Variants in SLC41A1 observed in about 807,000 individuals in gnomAD.
SLC41A1 encodes solute carrier family 41 (magnesium transporter), member 1.
A neutral mutation model predicts 47.3 loss-of-function variants in SLC41A1; 20 were observed. The observed-to-expected ratio is 0.42, with a 90% confidence interval of 0.30 to 0.61. SLC41A1 has a LOEUF of 0.61. SLC41A1 is among the 20% of genes least tolerant of loss of function. The pLI is 0.17. For missense variants in SLC41A1, 504 were observed against 674.1 expected, an observed-to-expected ratio of 0.75 and a Z score of 2.79; for synonymous variants, 282 against 272.7, an observed-to-expected ratio of 1.03 and a Z score of -0.34.
chr1:205,807,858 T>C (rs1656052148), intron 2 of SLC41A1, among the ~76,000 whole-genome samples: 1 of 151,664 alleles, frequency 6.6e-6, no homozygotes. Flanking sequence ...GGTCTCACTT[T>C]GTTGCCCAGG....
At chr1:205,797,077 C>A in intron 7 of SLC41A1, 74 bp from the exon 8 acceptor site, 1 of 1,313,100 alleles carries the variant, frequency 7.6e-7, no homozygotes, top group South Asian at 1.2e-5. Context: ...ATGAGAGGTC[C>A]AGGCCCACCT....
intron 8 of SLC41A1, 44 bp downstream of exon 8, chr1:205,796,880 C>T (rs1403299363): frequency 6.3e-7 from 1 of 1,588,390 alleles, no homozygotes; most frequent in Non-Finnish European, 8.6e-7. Context: ...TGTCCCTTTC[C>T]TTCCCCCAGC....
In SLC41A1 at chr1:205,810,269, T is replaced by C. The variant is rs771225135; in HGVS notation, c.173A>G (p.Lys58Arg). The C allele has an allele frequency of 4.3e-6, 7 of 1,614,016 alleles. No individual in the cohort carries two copies. Among genetic ancestry groups the C allele is most frequent in the African/African-American group, 1.3e-5 (1 of 74,914 alleles). The change falls in exon 2 of 11, where the codon AAG becomes AGG. Residue 58 changes from lysine (K) to arginine (R), a missense_variant. Physicochemically the swap from Lys to Arg is conservative, Grantham distance 26. Coordinates refer to ENST00000367137, the MANE Select transcript of SLC41A1 (RefSeq NM_173854.6). The surrounding 1 kb of genome is among the most constrained non-coding windows in gnomAD (Gnocchi z 5.5). Reference protein sequence around the residue: ...EVVIESRANAKGVREEDALLE... With the variant: ...EVVIESRANARGVREEDALLE... ...CAGGGCGTCCTCCTCCCGAACCCCC[T>C]TGGCGTTGGCCCGAGACTCAATCAC... is the stretch of plus-strand genomic sequence containing the variant.
intron 2 of SLC41A1, among the ~76,000 whole-genome samples, chr1:205,805,471 G>C (rs917529091): frequency 3.9e-5 from 6 of 152,134 alleles, no homozygotes; most frequent in Non-Finnish European, 8.8e-5. Context: ...GCCCCATCCT[G>C]TTCATCCAGG....
rs188209500 is a variant in SLC41A1 at position 205,803,532 on chromosome 1, T to C, written c.373-2472A>G. ...GGAAATCCTGTCATATGCCACAACA[T>C]GGATGAACCTTGAGGACATTACTCT... On this transcript the variant is annotated intron_variant, in intron 2 of 10. Coordinates refer to ENST00000367137, the MANE Select transcript of SLC41A1 (RefSeq NM_173854.6). Among the ~76,000 whole-genome samples, 9 of 152,090 alleles carry C rather than the reference T, an allele frequency of 5.9e-5. No homozygotes were observed. In the East Asian group the frequency reaches 1.7e-3, roughly 29 times the overall value.
chr1:205,798,703 G>A lies in SLC41A1; in HGVS notation c.810C>T (p.Leu270=). ...GGTAGAGTCCCCAGCTGATGCCTGA[G>A]AGCAGCGCCAAGGTGATGAGGTCGC... ...SLGDLITLAL[L]SGISWGLYLE... The change falls in exon 6 of 11, where the codon CTC becomes CTT. Residue 270 remains leucine (L), a synonymous_variant. Transcript: ENST00000367137. 3.1e-6 allele frequency: 5 copies of A among 1,614,186 alleles called. No individual in the cohort carries two copies. The highest frequency in any genetic ancestry group is 3.4e-6 in the Non-Finnish European group (4 of 1,180,048).
Position 205,791,824 on chromosome 1 carries a change from T to C in SLC41A1, c.1357-106A>G, listed in dbSNP as rs1270115162. On this transcript the variant is annotated intron_variant, in intron 10 of 10. Coordinates refer to ENST00000367137, the MANE Select transcript of SLC41A1 (RefSeq NM_173854.6). This position sits in a 1 kb window ranked among gnomAD's most constrained non-coding sequence, Gnocchi z 4.0. ...GTGCATCACAGGGCTTGGCTGGCCATAATCCTTACTTTTTAATCTTCCTCT... is the reference window on the plus strand; with the variant it reads ...GTGCATCACAGGGCTTGGCTGGCCACAATCCTTACTTTTTAATCTTCCTCT... The C allele has an allele frequency of 4.3e-6, 6 of 1,392,318 alleles. No homozygotes were observed. Among genetic ancestry groups the C allele is most frequent in the Non-Finnish European group, 5.0e-6 (5 of 1,003,984 alleles). 86.2% of individuals were successfully genotyped at this position (1,392,318 alleles called of 1,614,324 possible). A position where few individuals can be genotyped will look rare whatever the true frequency, so the allele number is the denominator to read the frequency against.
Position 205,812,968 on chromosome 1 carries a change from C to CCG in SLC41A1, c.-809_-808dup. Reference sequence around the variant, plus strand: ...ACCCCCAGCCAAGGCGAGCGTCCAGCCGCGACACCCGGCTCGCTACATTTC... The same window carrying CCG: ...ACCCCCAGCCAAGGCGAGCGTCCAGCCGCGCGACACCCGGCTCGCTACATTTC... On this transcript the variant is annotated 5_prime_UTR_variant, in exon 1 of 11. Coordinates refer to ENST00000367137, the MANE Select transcript of SLC41A1 (RefSeq NM_173854.6). 3 of 986,034 alleles carry CCG rather than the reference C, an allele frequency of 3.0e-6. No homozygotes were observed. The highest frequency in any genetic ancestry group is 3.6e-6 in the Non-Finnish European group (3 of 830,408). The allele number at this position is 986,034 out of a possible 1,614,324, so 61.1% of individuals were successfully genotyped here.
intron 2 of SLC41A1, among the ~76,000 whole-genome samples, chr1:205,807,650 C>CTTT (rs71152452): frequency 0.021 from 2,068 of 98,220 alleles, 124 homozygotes; most frequent in Non-Finnish European, 0.027. Flanking sequence ...CTCGTAGAGT[C>CTTT]TTTTTTTTTT....
chr1:205,796,840 C>T, intron 8 of SLC41A1, 84 bp downstream of exon 8: 2 of 1,414,248 alleles, frequency 1.4e-6, no homozygotes, highest in Non-Finnish European at 2.0e-6. Context: ...CTGACTGATA[C>T]AGAAACCAAC....
chr1:205,795,832 C>G (rs1051468865), intron 8 of SLC41A1: 1 of 391,546 alleles, frequency 2.6e-6, no homozygotes, highest in African/African-American at 2.1e-5. Context: ...GGGCACCTGC[C>G]TTCCTACACA....
Position 205,810,123 on chromosome 1 carries a change from G to T in SLC41A1, c.319C>A (p.Leu107Ile). ...SIGLQVLFPF[L>I]LAGFGTVAAG... is the part of the protein sequence containing the mutation. ...GCCACGGTCCCAAAGCCTGCCAGGA[G>T]GAATGGAAACAGTACTTGCAGCCCG... The change falls in exon 2 of 11, where the codon CTC becomes ATC. Residue 107 changes from leucine (L) to isoleucine (I), a missense_variant. Transcript: ENST00000367137. The surrounding 1 kb of genome is among the most constrained non-coding windows in gnomAD (Gnocchi z 5.5). 1 of 1,614,204 alleles carries T rather than the reference G, an allele frequency of 6.2e-7. No homozygotes were observed. Among genetic ancestry groups the T allele is most frequent in the Non-Finnish European group, 8.5e-7 (1 of 1,180,012 alleles).
In SLC41A1 at chr1:205,803,957, G is replaced by A. The variant is rs1367294244; in HGVS notation, c.373-2897C>T. Among the ~76,000 whole-genome samples the A allele has an allele frequency of 2.6e-5, 4 of 152,176 alleles. No homozygotes were observed. The East Asian group carries it at 7.7e-4, about 29-fold the overall frequency. Reference sequence around the variant, plus strand: ...ATTCATAGAGGCGGAAAGAAGAATGGTGGAAGCAAGGCGCTGGGGGAGCAG... The same window carrying A: ...ATTCATAGAGGCGGAAAGAAGAATGATGGAAGCAAGGCGCTGGGGGAGCAG... On this transcript the variant is annotated intron_variant, in intron 2 of 10. Transcript: ENST00000367137.
At chr1:205,802,769 T>TAAAATA (rs1571646740) in intron 2 of SLC41A1, among the ~76,000 whole-genome samples, 4 of 141,546 alleles carry the variant, frequency 2.8e-5, no homozygotes, top group African/African-American at 7.7e-5. Flanking sequence ...TAAAATAAAA[T>TAAAATA]AGATAAAATA....
rs1404592823 is a variant in SLC41A1 at position 205,797,912 on chromosome 1, G to A, written c.984C>T (p.Ala328=). The A allele has an allele frequency of 6.2e-7, 1 of 1,614,136 alleles. No homozygotes were observed. Among genetic ancestry groups the A allele is most frequent in the Non-Finnish European group, 8.5e-7 (1 of 1,180,042 alleles). Residue 328 remains alanine, a synonymous_variant, in exon 7 of 11, where the codon GCC becomes GCT. Coordinates refer to ENST00000367137, the MANE Select transcript of SLC41A1 (RefSeq NM_173854.6). The stretch of plus-strand genomic sequence containing the variant: ...TCAGGGCCCCAGCCTACCTGCTGAT[G>A]GCCATGGCAATGATAACAGGCTCCC... ...SGWEPVIIAM[A]ISSVGGLILD...
Position 205,790,421 on chromosome 1 carries a change from T to C in SLC41A1, c.*1112A>G, listed in dbSNP as rs538425381. The C allele has an allele frequency of 6.6e-6, 1 of 152,322 alleles. No homozygotes were observed. The highest frequency in any genetic ancestry group is 2.4e-5 in the African/African-American group (1 of 41,564). 9.4% of individuals were successfully genotyped at this position (152,322 alleles called of 1,614,324 possible). A position where few individuals can be genotyped will look rare whatever the true frequency, so the allele number is the denominator to read the frequency against. On this transcript the variant is annotated 3_prime_UTR_variant, in exon 11 of 11. Coordinates refer to ENST00000367137, the MANE Select transcript of SLC41A1 (RefSeq NM_173854.6). ...GAGCTCATCTTGCGGAGGCTGCATA[T>C]TTGCTAAATGAACGAATAAATGATT...
In SLC41A1 at chr1:205,813,112, G is replaced by A. The variant is rs1056202776; in HGVS notation, c.-951C>T. 6.1e-6 allele frequency: 6 copies of A among 985,548 alleles called. No homozygotes were observed. Among genetic ancestry groups the A allele is most frequent in the Middle Eastern group, 5.2e-4 (1 of 1,914 alleles). 61.1% of individuals were successfully genotyped at this position (985,548 alleles called of 1,614,324 possible). A position where few individuals can be genotyped will look rare whatever the true frequency, so the allele number is the denominator to read the frequency against. On this transcript the variant is annotated 5_prime_UTR_variant, in exon 1 of 11. Coordinates refer to ENST00000367137, the MANE Select transcript of SLC41A1 (RefSeq NM_173854.6). ...CACCCGGACGGGGGACCGGGGAGCC[G>A]AGCTCACGCGCCCCCAATCGCTTCT... is the stretch of plus-strand genomic sequence containing the variant.
At chr1:205,803,047 T>C (rs1205759327) in intron 2 of SLC41A1, among the ~76,000 whole-genome samples, 3 of 152,080 alleles carry the variant, frequency 2.0e-5, no homozygotes, top group Non-Finnish European at 2.9e-5. Flanking sequence ...CGCACACCTG[T>C]AATCCCAGCT....
intron 2 of SLC41A1, among the ~76,000 whole-genome samples, chr1:205,807,164 G>T (rs1558083253): frequency 6.6e-6 from 1 of 152,152 alleles, no homozygotes; most frequent in Non-Finnish European, 1.5e-5. Flanking sequence ...GAGATTGTCA[G>T]TCCCCCTTTT....
Sources: allele counts gnomAD v4.1 joint callset (sites outside exome capture counted in the v4.1 genomes callset), GRCh38; gene constraint gnomAD v4.1.1; non-coding constraint Gnocchi (gnomAD v3.1); transcripts MANE v1.5; gene names NCBI Gene and HGNC (gene_info 2026-07-23, HGNC 2026-07-21).